FAM81A: variants seen among roughly 807,000 people sequenced by gnomAD.
FAM81A encodes the protein protein FAM81A.
A neutral mutation model predicts 46.7 loss-of-function variants in FAM81A; 19 were observed. The observed-to-expected ratio is 0.41, with a 90% CI of 0.28 to 0.60. The LOEUF (loss-of-function observed/expected upper bound fraction) is 0.60, where lower values mean the gene tolerates loss of function less well. FAM81A is among the 20% of genes least tolerant of loss of function. The pLI, the probability that FAM81A is intolerant of heterozygous loss-of-function variation, is 0.34. For synonymous variants in FAM81A, 183 were observed against 152.9 expected (o/e 1.20, Z -1.45); for missense variants, 377 against 453.5 (o/e 0.83, Z 1.53).
At chr15:59,428,836 G>A (rs2081206819) in intron 2 of FAM81A, among the ~76,000 whole-genome samples, 1 of 151,898 alleles carries the variant, frequency 6.6e-6, no homozygotes, top group Non-Finnish European at 1.5e-5. Context: ...TTGCCATGTT[G>A]GCCAGGCTGA....
upstream of FAM81A, among the ~76,000 whole-genome samples, chr15:59,437,653 GGTGGGGCGTCACC>G (rs2081252508): frequency 6.6e-6 from 1 of 152,168 alleles, no homozygotes; most frequent in Non-Finnish European, 1.5e-5. Context: ...CACCTGCACA[GGTGGGGCGTCACC>G]GTGGCCTAAT....
At chr15:59,421,717 G>A (rs950169089) in intron 2 of FAM81A, among the ~76,000 whole-genome samples, 14 of 132,668 alleles carry the variant, frequency 1.1e-4, no homozygotes, top group African/African-American at 3.0e-4. Context: ...CTATCTATCT[G>A]TCTGTCTGTC....
intron 8 of FAM81A, among the ~76,000 whole-genome samples, chr15:59,517,973 C>CT (rs540628428): frequency 0.058 from 8,377 of 143,550 alleles, 273 homozygotes; most frequent in Non-Finnish European, 0.076. Context: ...TTCTTTCTTC[C>CT]TTTTTTTTTT....
In FAM81A at chr15:59,458,567, G is replaced by C; in HGVS notation, c.-60G>C. 1 of 1,612,714 alleles carries C rather than the reference G, an allele frequency of 6.2e-7. No homozygotes were observed. On this transcript the variant is annotated 5_prime_UTR_variant, in exon 2 of 9. Transcript: ENST00000288228. Reference sequence around the variant, plus strand: ...TTCAACAGATGTGAATTATTAAAAAGAAAATGGCCCAACGGAGCACTGTAT... The same window carrying C: ...TTCAACAGATGTGAATTATTAAAAACAAAATGGCCCAACGGAGCACTGTAT...
At chr15:59,452,434 GCT>G (rs1396524748) in intron 1 of FAM81A, among the ~76,000 whole-genome samples, 1 of 152,186 alleles carries the variant, frequency 6.6e-6, no homozygotes, top group African/African-American at 2.4e-5. Context: ...ATTACTTGAG[GCT>G]GGGAGTTTGA....
intron 3 of FAM81A, among the ~76,000 whole-genome samples, chr15:59,461,121 T>C (rs1423701242): frequency 6.6e-6 from 1 of 152,220 alleles, no homozygotes; most frequent in African/African-American, 2.4e-5. Context: ...TTTAGGACAC[T>C]GCCATCACCT....
intron 3 of FAM81A, among the ~76,000 whole-genome samples, chr15:59,461,294 C>T (rs1056448022): frequency 6.6e-6 from 1 of 151,980 alleles, no homozygotes; most frequent in Admixed American, 6.6e-5. Context: ...TTCTTTCTTT[C>T]CTTTTCTTTC....
chr15:59,445,110 T>A (rs2081340195), intron 1 of FAM81A: 1 of 152,148 alleles, frequency 6.6e-6, no homozygotes, highest in Non-Finnish European at 1.5e-5. Flanking sequence ...AAACTCAGAT[T>A]TCCGGGTGGC....
At chr15:59,433,617 C>T (rs986499450), upstream of FAM81A, among the ~76,000 whole-genome samples, 23 of 151,848 alleles carry the variant, frequency 1.5e-4, no homozygotes, top group African/African-American at 3.4e-4. Flanking sequence ...TTATTCAAAA[C>T]GTATGAAAAA....
intron 2 of FAM81A, among the ~76,000 whole-genome samples, chr15:59,425,901 T>A (rs1729647455): frequency 6.6e-6 from 1 of 152,228 alleles, no homozygotes; most frequent in Non-Finnish European, 1.5e-5. Context: ...TTTACAGGCA[T>A]AAGCCACTGC....
chr15:59,431,988 G>T (rs147683352), intron 2 of FAM81A, among the ~76,000 whole-genome samples: 1 of 152,004 alleles, frequency 6.6e-6, no homozygotes, highest in East Asian at 1.9e-4. Context: ...AAACAAAGAC[G>T]ATTATACCTA....
chr15:59,413,778 G>C (rs2081133250), intron 2 of FAM81A, among the ~76,000 whole-genome samples: 1 of 152,072 alleles, frequency 6.6e-6, no homozygotes, highest in Non-Finnish European at 1.5e-5. Context: ...TCCTGTTTAA[G>C]CCATTGGTAG....
At chr15:59,466,938 T>A (rs1289200096) in intron 3 of FAM81A, among the ~76,000 whole-genome samples, 1 of 152,312 alleles carries the variant, frequency 6.6e-6, no homozygotes, top group East Asian at 1.9e-4. Flanking sequence ...TAGCCAGTTT[T>A]CCCAGCACCA....
At position 59,404,438 on chromosome 15, in the gene FAM81A, G is replaced by A. The variant is rs182499829; in HGVS notation, c.-78+2080G>A. Reference sequence around the variant, plus strand: ...CACTTTGGTGTGGAATCCTGTAGCAGTTTGGTGAGAAAGTTTCTATACATT... The same window carrying A: ...CACTTTGGTGTGGAATCCTGTAGCAATTTGGTGAGAAAGTTTCTATACATT... On this transcript the variant is annotated intron_variant, in intron 2 of 4. Coordinates refer to the FAM81A transcript ENST00000558348. 3.4e-3 allele frequency among the ~76,000 whole-genome samples: 517 copies of A among 152,176 alleles called. 2 individuals are homozygous for A. The highest frequency in any genetic ancestry group is 4.1e-3 in the Non-Finnish European group (278 of 68,010).
chr15:59,511,104 A>C (rs1437277767), intron 6 of FAM81A, among the ~76,000 whole-genome samples: 2 of 152,206 alleles, frequency 1.3e-5, no homozygotes, highest in African/African-American at 4.8e-5. Context: ...TCAAAAAAAG[A>C]AAACGAAGAA....
chr15:59,400,691 C>T (rs1456334627), intron 1 of FAM81A, among the ~76,000 whole-genome samples: 1 of 152,166 alleles, frequency 6.6e-6, no homozygotes, highest in Non-Finnish European at 1.5e-5. Flanking sequence ...TCCTTTCGGC[C>T]TTAGGTCTGT....
chr15:59,410,915 T>A (rs539279265), intron 2 of FAM81A, among the ~76,000 whole-genome samples: 1 of 152,188 alleles, frequency 6.6e-6, no homozygotes, highest in Non-Finnish European at 1.5e-5. Flanking sequence ...CACACCCAGC[T>A]AATTTTTGTA....
Position 59,507,352 on chromosome 15 carries a change from G to C in FAM81A, c.543+10G>C. 6.2e-7 allele frequency: 1 copy of C among 1,610,344 alleles called. No homozygotes were observed. Among genetic ancestry groups the C allele is most frequent in the South Asian group, 1.1e-5 (1 of 90,202 alleles). ...AGATGCAGAGGGACAGGTACGACCT[G>C]TTTCAGGTAGCTTTTAGAAGCGGGT... On this transcript the variant is annotated intron_variant, in intron 5 of 8. Transcript: ENST00000288228.
At chr15:59,493,744 C>T (rs1032681851) in intron 4 of FAM81A, among the ~76,000 whole-genome samples, 7 of 152,128 alleles carry the variant, frequency 4.6e-5, no homozygotes, top group Admixed American at 1.3e-4. Context: ...CTCGCCACCA[C>T]GGCCAGCTAA....
Sources: allele counts gnomAD v4.1 joint callset (sites outside exome capture counted in the v4.1 genomes callset), GRCh38; gene constraint gnomAD v4.1.1; transcripts MANE v1.5; gene names NCBI Gene and HGNC (gene_info 2026-07-23, HGNC 2026-07-21).